The following BANP variants were observed in gnomAD, a reference collection of about 807,000 sequenced individuals.
BANP encodes BTG3 associated nuclear protein, also known as protein BANP.
Under a neutral mutation model 68.1 loss-of-function variants are expected in BANP, and 11 were observed. The ratio of observed to expected loss-of-function variants is 0.16; its 90% CI spans 0.10 to 0.27. The LOEUF (loss-of-function observed/expected upper bound fraction) is 0.27, where lower values mean the gene tolerates loss of function less well. BANP is among the 10% of genes least tolerant of loss of function. The pLI, the probability that BANP is intolerant of heterozygous loss-of-function variation, is 1.00. For synonymous variants in BANP, 329 were observed against 303.2 expected, an observed-to-expected ratio of 1.09 and a Z score of -0.88; for missense variants, 504 against 722.7, an observed-to-expected ratio of 0.70 and a Z score of 3.47.
chr16:88,064,818 C>T lies in BANP; in HGVS notation c.1312-449C>T, dbSNP rs1365654784. ...GGGATAGGAGACAGCCAGGACCCCT[C>T]AGCTTCTGAGGGCCGTGGCCTTCAG... is the stretch of plus-strand genomic sequence containing the variant. On this transcript the variant is annotated intron_variant, in intron 11 of 13. Transcript: ENST00000682872. The surrounding 1 kb of genome is among the most constrained non-coding windows in gnomAD (Gnocchi z 4.5). 6.6e-6 allele frequency among the ~76,000 whole-genome samples: 1 copy of T among 152,238 alleles called. No homozygotes were observed. The highest frequency in any genetic ancestry group is 1.5e-5 in the Non-Finnish European group (1 of 68,048).
At chr16:88,021,998 GGA>G (rs991673508) in intron 7 of BANP, among the ~76,000 whole-genome samples, 1 of 152,080 alleles carries the variant, frequency 6.6e-6, no homozygotes. Flanking sequence ...ATTGAAAGAG[GGA>G]GAGAGAGAAA....
At position 87,957,270 on chromosome 16, in the gene BANP, G is replaced by A. The variant is rs1462589849; in HGVS notation, c.-69+5755G>A. On this transcript the variant is annotated intron_variant, in intron 1 of 13. Transcript: ENST00000682872. This position sits in a 1 kb window ranked among gnomAD's most constrained non-coding sequence, Gnocchi z 4.3. ...AACCCACAGGTCGCCAGCTTACAGCGTGGGAGCTGTGGAAGGACACATGGA... is the reference window on the plus strand; with the variant it reads ...AACCCACAGGTCGCCAGCTTACAGCATGGGAGCTGTGGAAGGACACATGGA... 1.3e-5 allele frequency among the ~76,000 whole-genome samples: 2 copies of A among 152,234 alleles called. No individual in the cohort carries two copies. The highest frequency in any genetic ancestry group is 1.5e-5 in the Non-Finnish European group (1 of 68,044).
rs532985712 is a variant in BANP, at chr16:88,020,749, G to A, written c.895+2082G>A. 4.6e-5 allele frequency among the ~76,000 whole-genome samples: 7 copies of A among 152,362 alleles called. No individual in the cohort carries two copies. In the East Asian group the frequency reaches 1.3e-3, roughly 29 times the overall value. The stretch of plus-strand genomic sequence containing the variant: ...CCTCGGGGGAGAAGACAGGGGCCTT[G>A]GATGTGAAGCTGGAGGCCGGCTGGC... On this transcript the variant is annotated intron_variant, in intron 7 of 13. Coordinates refer to ENST00000682872, the MANE Select transcript of BANP (RefSeq NM_001386991.1).
At chr16:88,023,503 C>T (rs1279775041) in intron 7 of BANP, among the ~76,000 whole-genome samples, 2 of 151,522 alleles carry the variant, frequency 1.3e-5, no homozygotes, top group Non-Finnish European at 2.9e-5. Flanking sequence ...CACGTCGAGT[C>T]TGTAATTTGA....
chr16:87,960,978 T>C (rs991578246), intron 1 of BANP, among the ~76,000 whole-genome samples: 5 of 152,224 alleles, frequency 3.3e-5, no homozygotes, highest in Non-Finnish European at 7.3e-5. Context: ...CAGATGCCAG[T>C]GCTAATGCTG....
At chr16:87,973,232 TC>T (rs1281240130) in intron 1 of BANP, among the ~76,000 whole-genome samples, 3 of 150,700 alleles carry the variant, frequency 2.0e-5, no homozygotes, top group Non-Finnish European at 4.4e-5. Context: ...GCTTTGTGTC[TC>T]CCCCTCCAGT....
At chr16:88,032,676 CA>C (rs1312777988) in intron 8 of BANP, among the ~76,000 whole-genome samples, 1 of 152,164 alleles carries the variant, frequency 6.6e-6, no homozygotes, top group Non-Finnish European at 1.5e-5. Context: ...TACATCAAAG[CA>C]AATGTATCTC....
intron 13 of BANP, among the ~76,000 whole-genome samples, chr16:88,073,392 G>T (rs1411371580): frequency 6.6e-6 from 1 of 151,804 alleles, no homozygotes; most frequent in Admixed American, 6.6e-5. Context: ...GGTGGCCCCT[G>T]CAGAGGCACG....
intron 7 of BANP, among the ~76,000 whole-genome samples, chr16:88,020,462 G>A (rs2075801049): frequency 1.3e-5 from 2 of 152,216 alleles, no homozygotes; most frequent in South Asian, 2.1e-4. Context: ...AGTGTGGAGT[G>A]CGTTGAGATA....
At chr16:88,050,188 G>A (rs1007570712) in intron 11 of BANP, among the ~76,000 whole-genome samples, 1 of 152,160 alleles carries the variant, frequency 6.6e-6, no homozygotes, top group African/African-American at 2.4e-5. Flanking sequence ...ACACAGTCTC[G>A]CCCTGTTGCT....
chr16:88,006,831 A>G (rs974709350), intron 6 of BANP, among the ~76,000 whole-genome samples: 1 of 151,702 alleles, frequency 6.6e-6, no homozygotes, highest in Non-Finnish European at 1.5e-5. Context: ...AGGTGCCTGT[A>G]ATCCCAGCTA....
intron 6 of BANP, among the ~76,000 whole-genome samples, chr16:88,015,305 CCGTGCCCCCTCAGCT>C (rs1294502901): frequency 6.7e-6 from 1 of 149,424 alleles, no homozygotes; most frequent in African/African-American, 2.5e-5. Context: ...TGCCCTCTGC[CCGTGCCCCCTCAGCT>C]CGTGCCCTCT....
intron 1 of BANP, among the ~76,000 whole-genome samples, chr16:87,973,753 C>CAAAAA (rs58334556): frequency 3.1e-4 from 31 of 99,428 alleles, no homozygotes; most frequent in Middle Eastern, 4.9e-3. Context: ...AACTCCATCA[C>CAAAAA]AAAAAAAAAA....
chr16:88,058,993 G>A (rs1455970713), intron 11 of BANP, among the ~76,000 whole-genome samples: 1 of 151,944 alleles, frequency 6.6e-6, no homozygotes, highest in Admixed American at 6.6e-5. Flanking sequence ...CTCCTCCAGT[G>A]GTGTCCCTCA....
At chr16:87,979,445 A>G (rs1456533385) in intron 2 of BANP, among the ~76,000 whole-genome samples, 1 of 152,134 alleles carries the variant, frequency 6.6e-6, no homozygotes, top group African/African-American at 2.4e-5. Context: ...AGGCCCTTCC[A>G]GGAACGGCTT....
intron 13 of BANP, among the ~76,000 whole-genome samples, chr16:88,072,629 C>T (rs1247891797): frequency 3.3e-5 from 5 of 152,262 alleles, no homozygotes; most frequent in Non-Finnish European, 5.9e-5. Context: ...CTAGCGTCCA[C>T]GAAAACAAAG....
chr16:87,964,779 G>A (rs2059754994), intron 1 of BANP, among the ~76,000 whole-genome samples: 1 of 152,224 alleles, frequency 6.6e-6, no homozygotes, highest in South Asian at 2.1e-4. Flanking sequence ...GACGAGGCCG[G>A]ATCAGGGTGA....
At chr16:87,988,600 G>C (rs1370282263) in intron 4 of BANP, among the ~76,000 whole-genome samples, 1 of 152,142 alleles carries the variant, frequency 6.6e-6, no homozygotes. Flanking sequence ...TTAGAAGTAT[G>C]TAAGTCACAG....
At chr16:88,021,290 G>A (rs1345062558) in intron 7 of BANP, among the ~76,000 whole-genome samples, 5 of 152,234 alleles carry the variant, frequency 3.3e-5, no homozygotes, top group Non-Finnish European at 7.3e-5. Flanking sequence ...CCTGGCAGGG[G>A]CGTCCGCTAG....
Sources: allele counts gnomAD v4.1 joint callset (sites outside exome capture counted in the v4.1 genomes callset), GRCh38; gene constraint gnomAD v4.1.1; non-coding constraint Gnocchi (gnomAD v3.1); transcripts MANE v1.5; gene names NCBI Gene and HGNC (gene_info 2026-07-23, HGNC 2026-07-21).